The following CFAP96 variants were observed in gnomAD, a reference collection of about 807,000 sequenced individuals.
CFAP96 encodes the protein cilia and flagella associated protein 96, also known as cilia-and flagella-associated protein 96.
chr4:185,441,967 A>G, the CFAP96 span, among the ~76,000 whole-genome samples: 1 of 152,268 alleles, frequency 6.6e-6, no homozygotes, highest in African/African-American at 2.4e-5. Flanking sequence ...GCTGTTCCCA[A>G]TATGACTGAT....
At chr4:185,435,927 A>T in the CFAP96 span, 2 of 707,896 alleles carry the variant, frequency 2.8e-6, no homozygotes, top group Non-Finnish European at 4.4e-6. Context: ...AAATGAAATT[A>T]GATTAAAACT....
chr4:185,449,494 G>A, the CFAP96 span: 2 of 711,736 alleles, frequency 2.8e-6, no homozygotes, highest in Non-Finnish European at 4.6e-6. Context: ...CTGCACTCCA[G>A]CCTGGGCAAC....
chr4:185,411,111 A>G, the CFAP96 span, among the ~76,000 whole-genome samples: 1 of 151,510 alleles, frequency 6.6e-6, no homozygotes, highest in East Asian at 1.9e-4. Context: ...GGGCCAACAA[A>G]GCCAAAAGTT....
At chr4:185,444,462 CTT>C in the CFAP96 span, among the ~76,000 whole-genome samples, 2 of 152,164 alleles carry the variant, frequency 1.3e-5, no homozygotes, top group Non-Finnish European at 2.9e-5. Flanking sequence ...ATTGACTTCT[CTT>C]GATAGACTAC....
chr4:185,437,937 G>A, the CFAP96 span, among the ~76,000 whole-genome samples: 1 of 151,958 alleles, frequency 6.6e-6, no homozygotes. Context: ...ACTTGTCTCT[G>A]ATGAGAAACC....
the CFAP96 span, among the ~76,000 whole-genome samples, chr4:185,443,340 A>ATTTTTTTTTTTTTTTTTT: frequency 3.5e-5 from 1 of 28,486 alleles, no homozygotes; most frequent in African/African-American, 1.1e-4. Context: ...ATATATATAT[A>ATTTTTTTTTTTTTTTTTT]TATTTTTTTT....
the CFAP96 span, among the ~76,000 whole-genome samples, chr4:185,435,461 G>C: frequency 5.3e-5 from 8 of 152,200 alleles, no homozygotes; most frequent in Admixed American, 3.3e-4. Context: ...TATTGTGGAA[G>C]TTTTAAGAAA....
chr4:185,423,475 A>C, the CFAP96 span, among the ~76,000 whole-genome samples: 92 of 152,342 alleles, frequency 6.0e-4, no homozygotes, highest in Non-Finnish European at 1.1e-3. Context: ...ATGCATTTAG[A>C]ATCTCAGACT....
the CFAP96 span, among the ~76,000 whole-genome samples, chr4:185,439,426 G>C: frequency 3.9e-5 from 6 of 152,106 alleles, no homozygotes; most frequent in African/African-American, 1.4e-4. Flanking sequence ...TGCTACAGCA[G>C]GTTCCTAGTA....
the CFAP96 span, among the ~76,000 whole-genome samples, chr4:185,424,655 TTAAA>T: frequency 6.6e-5 from 10 of 152,172 alleles, no homozygotes; most frequent in East Asian, 9.6e-4. Context: ...AAGAAATCAG[TTAAA>T]TAAAGAATAC....
At chr4:185,445,005 A>T in the CFAP96 span, 2 of 1,551,586 alleles carry the variant, frequency 1.3e-6, no homozygotes, top group Non-Finnish European at 1.7e-6. Context: ...CTTACCCATC[A>T]CATTCTGCTG....
At chr4:185,415,745 T>C in the CFAP96 span, 53 of 1,613,266 alleles carry the variant, frequency 3.3e-5, no homozygotes, top group Admixed American at 3.8e-4. Flanking sequence ...CAGATATAAC[T>C]GCATCGACAG....
chr4:185,435,900 TGACTG>T, the CFAP96 span: 1 of 585,548 alleles, frequency 1.7e-6, no homozygotes. Flanking sequence ...TCAAAATCTG[TGACTG>T]AAGAATGAGG....
the CFAP96 span, among the ~76,000 whole-genome samples, chr4:185,431,299 C>T: frequency 6.6e-6 from 1 of 151,898 alleles, no homozygotes; most frequent in East Asian, 1.9e-4. Flanking sequence ...AAAACTTCTC[C>T]ATGTTTCCAA....
At chr4:185,443,342 A>ATATATATATATTTTTTTTT in the CFAP96 span, among the ~76,000 whole-genome samples, 5 of 26,724 alleles carry the variant, frequency 1.9e-4, no homozygotes, top group Admixed American at 5.2e-4. Context: ...ATATATATAT[A>ATATATATATATTTTTTTTT]TTTTTTTTTT....
the CFAP96 span, among the ~76,000 whole-genome samples, chr4:185,441,655 TTC>T: frequency 6.6e-6 from 1 of 151,502 alleles, no homozygotes; most frequent in African/African-American, 2.4e-5. Context: ...AAAATTTAAT[TTC>T]TTTTAATTAA....
the CFAP96 span, among the ~76,000 whole-genome samples, chr4:185,440,197 C>A: frequency 6.6e-6 from 1 of 151,990 alleles, no homozygotes; most frequent in African/African-American, 2.4e-5. Flanking sequence ...TTCCCAGAGT[C>A]TCTGAGAAAT....
chr4:185,443,229 T>C, the CFAP96 span, among the ~76,000 whole-genome samples: 1 of 150,672 alleles, frequency 6.6e-6, no homozygotes, highest in Non-Finnish European at 1.5e-5. Context: ...GTTTTCTATC[T>C]CTTTTTGGTC....
At chr4:185,438,646 C>T in the CFAP96 span, among the ~76,000 whole-genome samples, 6 of 152,104 alleles carry the variant, frequency 3.9e-5, no homozygotes, top group African/African-American at 1.2e-4. Context: ...AATTTTACTT[C>T]GTTGAGTGCT....
Sources: allele counts gnomAD v4.1 joint callset (sites outside exome capture counted in the v4.1 genomes callset), GRCh38; gene constraint gnomAD v4.1.1; transcripts MANE v1.5; gene names NCBI Gene and HGNC (gene_info 2026-07-23, HGNC 2026-07-21).